Variants in ATP1A2 observed in about 807,000 individuals in gnomAD.
ATP1A2 encodes the protein ATPase Na+/K+ transporting subunit alpha 2.
Under a neutral mutation model 113.1 loss-of-function variants are expected in ATP1A2, and 56 were observed. The ratio of observed to expected loss-of-function variants is 0.49; its 90% CI spans 0.40 to 0.62. The LOEUF (loss-of-function observed/expected upper bound fraction) is 0.62, where lower values mean the gene tolerates loss of function less well. ATP1A2 is among the 20% of genes least tolerant of loss of function. The probability of loss-of-function intolerance (pLI) is 0.00; values close to 1 mark genes in which losing one functional copy is unlikely to be tolerated. For missense variants in ATP1A2, 712 were observed against 1,357.8 expected (o/e 0.52, Z 7.47); for synonymous variants, 490 against 526.8 (o/e 0.93, Z 0.96).
rs1246452018 is a variant in ATP1A2 at position 160,135,821 on chromosome 1, C to T, written c.2285-18C>T. The T allele has an allele frequency of 1.2e-6, 2 of 1,614,144 alleles. No homozygotes were observed. Among genetic ancestry groups the T allele is most frequent in the Non-Finnish European group, 1.7e-6 (2 of 1,180,014 alleles). On this transcript the variant is annotated intron_variant, in intron 16 of 22. Coordinates refer to ENST00000361216, the MANE Select transcript of ATP1A2 (RefSeq NM_000702.4). This position sits in a 1 kb window ranked among gnomAD's most constrained non-coding sequence, Gnocchi z 6.3. ...GAGTCCCTCTGACCTCCCTGATGCC[C>T]TCAGAATCTCCCCACAGGCCGCCTG...
intron 13 of ATP1A2, among the ~76,000 whole-genome samples, chr1:160,132,905 C>T (rs1651814068): frequency 6.6e-6 from 1 of 152,090 alleles, no homozygotes; most frequent in African/African-American, 2.4e-5. Context: ...GCCAAACCAA[C>T]ATTTAGGCAC....
rs752381925 is a variant in ATP1A2 at position 160,128,792 on chromosome 1, C to T, written c.1158C>T (p.Val386=). The T allele has an allele frequency of 1.7e-5, 27 of 1,614,176 alleles. No individual in the cohort carries two copies. The highest frequency in any genetic ancestry group is 2.2e-5 in the East Asian group (1 of 44,876). The change falls in exon 9 of 23, where the codon GTC becomes GTT. Residue 386 remains valine (V), a synonymous_variant. Transcript: ENST00000361216. ...CCCTCACCCAGAACCGCATGACCGTCGCCCACATGTGGTTCGACAACCAAA... is the reference window on the plus strand; with the variant it reads ...CCCTCACCCAGAACCGCATGACCGTTGCCCACATGTGGTTCGACAACCAAA... ...TGTLTQNRMT[V]AHMWFDNQIH...
intron 7 of ATP1A2, 143 bp from the exon 8 acceptor site, chr1:160,127,409 G>T: frequency 8.8e-7 from 1 of 1,130,710 alleles, no homozygotes; most frequent in Non-Finnish European, 1.3e-6. Context: ...AGGCCAAGTG[G>T]GGACAACCTA....
At chr1:160,118,032 C>T (rs1263242702) in intron 1 of ATP1A2, among the ~76,000 whole-genome samples, 1 of 152,006 alleles carries the variant, frequency 6.6e-6, no homozygotes, top group Admixed American at 6.5e-5. Context: ...TCTCTGCAGG[C>T]TCCTGGCTGC....
chr1:160,117,868 C>A (rs1239427581), intron 1 of ATP1A2, among the ~76,000 whole-genome samples: 1 of 152,042 alleles, frequency 6.6e-6, no homozygotes, highest in Non-Finnish European at 1.5e-5. Flanking sequence ...TCTGTCCCAG[C>A]CTCTGGCTTT....
chr1:160,128,894 T>C (rs750831450), intron 9 of ATP1A2, 44 bp downstream of exon 9: 1 of 1,612,166 alleles, frequency 6.2e-7, no homozygotes, highest in Non-Finnish European at 8.5e-7. Flanking sequence ...TAGAGGAGGC[T>C]GAGGGCAGTG....
chr1:160,141,608 G>C lies in ATP1A2; in HGVS notation c.*286G>C, dbSNP rs542623068. The C allele has an allele frequency of 4.7e-4, 226 of 485,792 alleles. 1 individual carries two copies. The highest frequency in any genetic ancestry group is 6.4e-4 in the Non-Finnish European group (170 of 264,058). 30.1% of individuals were successfully genotyped at this position (485,792 alleles called of 1,614,324 possible). ...TGTCTATTTTTTCTGAGGAATTAAG[G>C]GTTACCCCACCCTGCCCACTCCCAT... On this transcript the variant is annotated 3_prime_UTR_variant, in exon 23 of 23. Transcript: ENST00000361216.
Position 160,141,324 on chromosome 1 carries a change from C to G in ATP1A2, c.*2C>G, listed in dbSNP as rs1396642348. The G allele has an allele frequency of 6.2e-7, 1 of 1,614,006 alleles. No individual in the cohort carries two copies. The highest frequency in any genetic ancestry group is 8.5e-7 in the Non-Finnish European group (1 of 1,179,952). ...GTGGAGAAGGAGACATACTACTGAC[C>G]CCATTGGAAGAAGAACCAGGCATGG... On this transcript the variant is annotated 3_prime_UTR_variant, in exon 23 of 23. Coordinates refer to ENST00000361216, the MANE Select transcript of ATP1A2 (RefSeq NM_000702.4).
At chr1:160,124,594 G>A (rs1314257718) in intron 6 of ATP1A2, among the ~76,000 whole-genome samples, 164 bp downstream of exon 6, 4 of 152,238 alleles carry the variant, frequency 2.6e-5, no homozygotes, top group Non-Finnish European at 5.9e-5. Flanking sequence ...TGCTTGTGCA[G>A]TGCCTCCTTG....
In ATP1A2 at chr1:160,135,813, C is replaced by T. The variant is rs1297047476; in HGVS notation, c.2285-26C>T. On this transcript the variant is annotated intron_variant, in intron 16 of 22. Transcript: ENST00000361216. The surrounding 1 kb of genome is among the most constrained non-coding windows in gnomAD (Gnocchi z 6.3). ...GTGGGGAAGAGTCCCTCTGACCTCC[C>T]TGATGCCCTCAGAATCTCCCCACAG... The T allele has an allele frequency of 1.9e-6, 3 of 1,613,996 alleles. No homozygotes were observed. Among genetic ancestry groups the T allele is most frequent in the African/African-American group, 2.7e-5 (2 of 74,900 alleles).
chr1:160,137,107 A>T (rs1651978500), intron 20 of ATP1A2, 76 bp downstream of exon 20: 1 of 1,610,778 alleles, frequency 6.2e-7, no homozygotes, highest in Non-Finnish European at 8.5e-7. Flanking sequence ...CCAAGCTTCC[A>T]ACTCAGCCCT....
intron 7 of ATP1A2, among the ~76,000 whole-genome samples, chr1:160,126,088 T>C (rs1651578095): frequency 1.3e-5 from 2 of 152,192 alleles, no homozygotes; most frequent in African/African-American, 2.4e-5. Flanking sequence ...TATGTTTCTC[T>C]GTGGTTTTTT....
Position 160,135,310 on chromosome 1 carries a change from G to A in ATP1A2, c.2115+15G>A, listed in dbSNP as rs769939965. The A allele has an allele frequency of 1.7e-5, 28 of 1,614,072 alleles. No homozygotes were observed. The highest frequency in any genetic ancestry group is 1.1e-4 in the East Asian group (5 of 44,882). The stretch of plus-strand genomic sequence containing the variant: ...GTCAGAGGCAGGTGAGCACAGCCAC[G>A]GGAGGCAGATGACAGGCAGGGACCG... On this transcript the variant is annotated intron_variant, in intron 15 of 22. Transcript: ENST00000361216. This position sits in a 1 kb window ranked among gnomAD's most constrained non-coding sequence, Gnocchi z 6.3.
rs1018380787 is a variant in ATP1A2, at chr1:160,143,491, A to T, written c.*2169A>T. The T allele has an allele frequency of 6.6e-6, 1 of 152,646 alleles. No individual in the cohort carries two copies. Among genetic ancestry groups the T allele is most frequent in the Non-Finnish European group, 1.5e-5 (1 of 68,040 alleles). The allele number at this position is 152,646 out of a possible 1,614,324, so 9.5% of individuals were successfully genotyped here. ...ATCTTTATGTATTTGTTAAAGAAACATCTACAGGATCTTTATTGGTGACCT... is the reference window on the plus strand; with the variant it reads ...ATCTTTATGTATTTGTTAAAGAAACTTCTACAGGATCTTTATTGGTGACCT... On this transcript the variant is annotated 3_prime_UTR_variant, in exon 23 of 23. Transcript: ENST00000361216.
chr1:160,136,815 G>A, intron 19 of ATP1A2, 86 bp from the exon 20 acceptor site: 5 of 1,614,102 alleles, frequency 3.1e-6, no homozygotes, highest in Non-Finnish European at 3.4e-6. Flanking sequence ...ACTGGGGCTA[G>A]GGGTGGATCA....
chr1:160,127,410 G>T lies in ATP1A2; in HGVS notation c.749-142G>T, dbSNP rs140082090. The T allele has an allele frequency of 4.3e-6, 5 of 1,151,384 alleles. No homozygotes were observed. The East Asian group carries it at 1.3e-4, about 29-fold the overall frequency. The allele number at this position is 1,151,384 out of a possible 1,614,324, so 71.3% of individuals were successfully genotyped here. On this transcript the variant is annotated intron_variant, in intron 7 of 22. Coordinates refer to ENST00000361216, the MANE Select transcript of ATP1A2 (RefSeq NM_000702.4). ...ATCCAGGGAAAGGAAGGCCAAGTGG[G>T]GACAACCTACTGAATGTGGCCTCCA...
intron 1 of ATP1A2, among the ~76,000 whole-genome samples, chr1:160,117,958 G>A (rs1215739460): frequency 6.6e-6 from 1 of 152,066 alleles, no homozygotes; most frequent in Non-Finnish European, 1.5e-5. Flanking sequence ...GAGGAGTGGA[G>A]GGAGGTTGGG....
At position 160,135,193 on chromosome 1, in the gene ATP1A2, A is replaced by G. The variant is rs1266182585; in HGVS notation, c.2013A>G (p.Thr671=). 6.2e-7 allele frequency: 1 copy of G among 1,614,198 alleles called. No homozygotes were observed. The highest frequency in any genetic ancestry group is 1.1e-5 in the South Asian group (1 of 91,086). ...VVHGSDLKDM[T]SEQLDEILKN... is the part of the protein sequence containing the mutation. ...ACGGCTCTGACCTGAAGGACATGAC[A>G]TCGGAGCAGCTCGATGAGATCCTCA... The change falls in exon 15 of 23, where the codon ACA becomes ACG. Residue 671 remains threonine, a synonymous_variant. Coordinates refer to ENST00000361216, the MANE Select transcript of ATP1A2 (RefSeq NM_000702.4). This position sits in a 1 kb window ranked among gnomAD's most constrained non-coding sequence, Gnocchi z 6.3.
In ATP1A2 at chr1:160,135,662, C is replaced by T. The variant is rs1651915437; in HGVS notation, c.2284+60C>T. On this transcript the variant is annotated intron_variant, in intron 16 of 22. Coordinates refer to ENST00000361216, the MANE Select transcript of ATP1A2 (RefSeq NM_000702.4). This position sits in a 1 kb window ranked among gnomAD's most constrained non-coding sequence, Gnocchi z 6.3. ...GATACTGAAGCCGGCACCTCTGTTC[C>T]CTGTCCCTTTACCCCAGTTGAAGAA... 1 of 1,612,116 alleles carries T rather than the reference C, an allele frequency of 6.2e-7. No homozygotes were observed. Among genetic ancestry groups the T allele is most frequent in the Admixed American group, 1.7e-5 (1 of 59,968 alleles).
Sources: gnomAD v4.1 joint callset for allele counts (sites outside exome capture counted in the v4.1 genomes callset) on GRCh38, gnomAD v4.1.1 for gene constraint, Gnocchi (gnomAD v3.1) non-coding constraint, MANE v1.5 for transcripts, NCBI Gene and HGNC (gene_info 2026-07-23, HGNC 2026-07-21) for gene names.